Variants in CD58 observed in about 807,000 individuals in gnomAD.
CD58 encodes the protein CD58 molecule.
A neutral mutation model predicts 27.6 loss-of-function variants in CD58; 14 were observed. That is an observed-to-expected ratio of 0.51 (90% CI 0.34 to 0.79). The LOEUF (loss-of-function observed/expected upper bound fraction) is 0.79. CD58 is among the 30% of genes least tolerant of loss of function. The pLI, the probability that CD58 is intolerant of heterozygous loss-of-function variation, is 0.02. For synonymous variants in CD58, 117 were observed against 103.8 expected (o/e 1.13, Z -0.77); for missense variants, 268 against 301.7 (o/e 0.89, Z 0.83).
chr1:116,514,622 CAT>C lies in CD58; in HGVS notation c.*189_*190del. 7.7e-6 allele frequency: 4 copies of C among 521,588 alleles called. No homozygotes were observed. The highest frequency in any genetic ancestry group is 1.4e-5 in the Non-Finnish European group (4 of 287,822). 32.3% of individuals were successfully genotyped at this position (521,588 alleles called of 1,614,324 possible). On this transcript the variant is annotated 3_prime_UTR_variant, in exon 6 of 6. Transcript: ENST00000369489. The stretch of plus-strand genomic sequence containing the variant: ...CTGACAAAAAAAGCAAGCACCTAGT[CAT>C]ATAATAAGTTGATGACAGCCAAAAC...
chr1:116,533,868 C>A (rs797017940), intron 3 of CD58: 7 of 997,748 alleles, frequency 7.0e-6, no homozygotes, highest in Non-Finnish European at 6.4e-6. Context: ...GAGCGCATCT[C>A]ACCTGAATTT....
chr1:116,533,723 A>G (rs112081499), intron 3 of CD58: 2 of 695,136 alleles, frequency 2.9e-6, no homozygotes, highest in Non-Finnish European at 5.3e-6. Context: ...TCACGGTGCC[A>G]TTCTGATTCC....
Position 116,519,090 on chromosome 1 carries a change from T to C in CD58, c.743+141A>G. On this transcript the variant is annotated intron_variant, in intron 5 of 5. Coordinates refer to ENST00000369489, the MANE Select transcript of CD58 (RefSeq NM_001779.3). This position sits in a 1 kb window ranked among gnomAD's most constrained non-coding sequence, Gnocchi z 4.7. ...ACAGTTGGTACTTAATACACTATGG[T>C]TAGTATATCTGCTGATGTTACTTCT... is the stretch of plus-strand genomic sequence containing the variant. 6.8e-7 allele frequency: 1 copy of C among 1,479,040 alleles called. No homozygotes were observed. 91.6% of individuals were successfully genotyped at this position (1,479,040 alleles called of 1,614,324 possible).
chr1:116,515,898 T>G lies in CD58; in HGVS notation c.744-1076A>C, dbSNP rs1428660174. 6.6e-6 allele frequency among the ~76,000 whole-genome samples: 1 copy of G among 152,186 alleles called. No homozygotes were observed. Among genetic ancestry groups the G allele is most frequent in the East Asian group, 1.9e-4 (1 of 5,200 alleles). On this transcript the variant is annotated intron_variant, in intron 5 of 5. Transcript: ENST00000369489. The surrounding 1 kb of genome is among the most constrained non-coding windows in gnomAD (Gnocchi z 4.6). The stretch of plus-strand genomic sequence containing the variant: ...GTCTGCTATCTACTCATCTGTCCTC[T>G]GTTGTTCCTAATTGGGTTTAGTTCT...
rs1470557294 is a variant in CD58 at position 116,530,104 on chromosome 1, A to G, written c.628+5861T>C. Among the ~76,000 whole-genome samples, 11 of 152,194 alleles carry G rather than the reference A, an allele frequency of 7.2e-5. No individual in the cohort carries two copies. In the East Asian group the frequency reaches 1.7e-3, roughly 24 times the overall value. The stretch of plus-strand genomic sequence containing the variant: ...ACGTATAGAGAGTCAGGATGGTATC[A>G]TACAAAAACACTCTGGAATTCAAAG... On this transcript the variant is annotated intron_variant, in intron 3 of 5. Transcript: ENST00000369489.
intron 1 of CD58, among the ~76,000 whole-genome samples, chr1:116,560,916 A>C (rs1180739942): frequency 6.6e-6 from 1 of 152,226 alleles, no homozygotes; most frequent in Admixed American, 6.5e-5. Context: ...CTGAGATGGA[A>C]GTTGAGATTT....
chr1:116,548,834 T>C (rs540900640), intron 1 of CD58, among the ~76,000 whole-genome samples: 19 of 152,354 alleles, frequency 1.2e-4, no homozygotes, highest in East Asian at 1.2e-3. Context: ...GGCAATTTTA[T>C]TGAATGCTTA....
Position 116,534,373 on chromosome 1 carries a change from A to T in CD58, c.628+1592T>A, listed in dbSNP as rs1482691095. Reference sequence around the variant, plus strand: ...TCAAATTCCTAAACATCTAATAAAGAGGTCCTGGACGTCTCCACCTTAAAA... The same window carrying T: ...TCAAATTCCTAAACATCTAATAAAGTGGTCCTGGACGTCTCCACCTTAAAA... On this transcript the variant is annotated intron_variant, in intron 3 of 5. Coordinates refer to ENST00000369489, the MANE Select transcript of CD58 (RefSeq NM_001779.3). The surrounding 1 kb of genome is among the most constrained non-coding windows in gnomAD (Gnocchi z 5.3). Among the ~76,000 whole-genome samples, 1 of 152,214 alleles carries T rather than the reference A, an allele frequency of 6.6e-6. No individual in the cohort carries two copies. The highest frequency in any genetic ancestry group is 1.5e-5 in the Non-Finnish European group (1 of 68,028).
intron 1 of CD58, among the ~76,000 whole-genome samples, chr1:116,560,345 C>T (rs1473641920): frequency 1.3e-5 from 2 of 152,008 alleles, no homozygotes; most frequent in African/African-American, 2.4e-5. Context: ...CTTACTAGAT[C>T]GGTTAAGGCT....
At chr1:116,543,402 G>A (rs539457330) in intron 2 of CD58, among the ~76,000 whole-genome samples, 9 of 151,918 alleles carry the variant, frequency 5.9e-5, no homozygotes, top group South Asian at 2.1e-4. Flanking sequence ...CAGGAGAGGC[G>A]ATCAAGGACA....
Position 116,536,139 on chromosome 1 carries a change from G to A in CD58, c.454C>T (p.Arg152Ter). Residue 152 changes from arginine (R) to a stop codon, truncating the protein, a stop_gained, in exon 3 of 6, where the codon CGA (arginine) becomes TGA (stop). Transcript: ENST00000369489. LOFTEE classifies it high-confidence loss of function. This position sits in a 1 kb window ranked among gnomAD's most constrained non-coding sequence, Gnocchi z 5.4. ...TCCCATGAGTACATTATAAGTCCTC[G>A]ATGGCTGTTGTAATGCTCTGGTATC... is the stretch of plus-strand genomic sequence containing the variant. Reference protein sequence around the residue: ...CMIPEHYNSHRGLIMYSWDCP... With the variant: ...CMIPEHYNSH 1.9e-6 allele frequency: 3 copies of A among 1,613,156 alleles called. No homozygotes were observed. Among genetic ancestry groups the A allele is most frequent in the Non-Finnish European group, 2.5e-6 (3 of 1,179,266 alleles).
In CD58 at chr1:116,515,957, T is replaced by C. The variant is rs1203152284; in HGVS notation, c.744-1135A>G. ...CTGCCCTCGCGCAGCTGGGGAAATA[T>C]TGCATTTGTTCCTACTTATGCTTGC... On this transcript the variant is annotated intron_variant, in intron 5 of 5. Coordinates refer to ENST00000369489, the MANE Select transcript of CD58 (RefSeq NM_001779.3). This position sits in a 1 kb window ranked among gnomAD's most constrained non-coding sequence, Gnocchi z 4.6. Among the ~76,000 whole-genome samples the C allele has an allele frequency of 2.6e-5, 4 of 152,144 alleles. 1 individual carries two copies. The highest frequency in any genetic ancestry group is 4.1e-4 in the South Asian group (2 of 4,828).
intron 1 of CD58, among the ~76,000 whole-genome samples, chr1:116,556,113 GGCGT>G (rs1658549395): frequency 6.6e-6 from 1 of 151,908 alleles, no homozygotes; most frequent in Non-Finnish European, 1.5e-5. Context: ...AAATTAGCTG[GGCGT>G]GGTGGCACTC....
At chr1:116,533,359 T>G in intron 3 of CD58, 1 of 1,024,508 alleles carries the variant, frequency 9.8e-7, no homozygotes, top group Non-Finnish European at 1.5e-6. Context: ...CAGTCCATGA[T>G]CTCAGGACCT....
At chr1:116,565,964 G>T (rs574162828) in intron 1 of CD58, among the ~76,000 whole-genome samples, 2 of 152,078 alleles carry the variant, frequency 1.3e-5, no homozygotes, top group Non-Finnish European at 2.9e-5. Context: ...TGATCCGCCC[G>T]CCTTGGCCTC....
chr1:116,533,705 C>T (rs1657693799), intron 3 of CD58: 1 of 686,864 alleles, frequency 1.5e-6, no homozygotes, highest in South Asian at 1.4e-5. Flanking sequence ...TTCTCCTCCT[C>T]TTCATTTTCA....
rs1178278626 is a variant in CD58 at position 116,557,785 on chromosome 1, T to C, written c.70+13118A>G. On this transcript the variant is annotated intron_variant, in intron 1 of 5. Coordinates refer to ENST00000369489, the MANE Select transcript of CD58 (RefSeq NM_001779.3). The surrounding 1 kb of genome is among the most constrained non-coding windows in gnomAD (Gnocchi z 5.2). ...ACCTCCTGGGCTCAAGTGATCCTTC[T>C]GCCTCAGCCTCCCAAGTAGCTAGAA... 6.6e-6 allele frequency among the ~76,000 whole-genome samples: 1 copy of C among 152,036 alleles called. No individual in the cohort carries two copies. Among genetic ancestry groups the C allele is most frequent in the Non-Finnish European group, 1.5e-5 (1 of 68,002 alleles).
At position 116,519,348 on chromosome 1, in the gene CD58, G is replaced by A. The variant is rs762356983; in HGVS notation, c.707-81C>T. 1.5e-6 allele frequency: 2 copies of A among 1,313,102 alleles called. No individual in the cohort carries two copies. The highest frequency in any genetic ancestry group is 1.2e-5 in the South Asian group (1 of 80,428). 81.3% of individuals were successfully genotyped at this position (1,313,102 alleles called of 1,614,324 possible). The stretch of plus-strand genomic sequence containing the variant: ...GTGGAGTTACTGACTGCCTATTAGA[G>A]GCCTAAATATGGAAAACTAAGCCAG... On this transcript the variant is annotated intron_variant, in intron 4 of 5. Transcript: ENST00000369489. The surrounding 1 kb of genome is among the most constrained non-coding windows in gnomAD (Gnocchi z 4.7).
In CD58 at chr1:116,546,538, T is replaced by C. The variant is rs570524883; in HGVS notation, c.71-1934A>G. Reference sequence around the variant, plus strand: ...AGGGGTGAGAGTCTACCACACACAATAGTGGAAACTCAAAAATGTCTTATA... The same window carrying C: ...AGGGGTGAGAGTCTACCACACACAACAGTGGAAACTCAAAAATGTCTTATA... On this transcript the variant is annotated intron_variant, in intron 1 of 5. Transcript: ENST00000369489. This position sits in a 1 kb window ranked among gnomAD's most constrained non-coding sequence, Gnocchi z 4.1. 4.6e-5 allele frequency among the ~76,000 whole-genome samples: 7 copies of C among 152,208 alleles called. No individual in the cohort carries two copies. The highest frequency in any genetic ancestry group is 7.4e-5 in the Non-Finnish European group (5 of 67,996).
Sources: gnomAD v4.1 joint callset for allele counts (sites outside exome capture counted in the v4.1 genomes callset) on GRCh38, gnomAD v4.1.1 for gene constraint, Gnocchi (gnomAD v3.1) non-coding constraint, MANE v1.5 for transcripts, NCBI Gene and HGNC (gene_info 2026-07-23, HGNC 2026-07-21) for gene names.